C12orf42: variants seen among roughly 807,000 people sequenced by gnomAD.
The protein encoded by C12orf42 is chromosome 12 open reading frame 42, also known as uncharacterized protein C12orf42.
A neutral mutation model predicts 21.6 loss-of-function variants in C12orf42; 25 were observed. That is an observed-to-expected ratio of 1.16 (90% CI 0.84 to 1.62). C12orf42 has a LOEUF of 1.62. Among genes scored for constraint, C12orf42 ranks in the 40% most tolerant of loss-of-function variants. The pLI is 0.00. For missense variants in C12orf42, 483 were observed against 459.3 expected, an observed-to-expected ratio of 1.05 and a Z score of -0.47; for synonymous variants, 174 against 175.0, an observed-to-expected ratio of 0.99 and a Z score of 0.05.
At chr12:103,119,595 C>T in the C12orf42 span, among the ~76,000 whole-genome samples, 2,971 of 152,190 alleles carry the variant, frequency 0.02, 92 homozygotes, top group African/African-American at 0.067. Context: ...CATTGTGCCG[C>T]GTCTGTCTTC....
At chr12:103,529,079 G>C in the C12orf42 span, among the ~76,000 whole-genome samples, 2 of 151,996 alleles carry the variant, frequency 1.3e-5, no homozygotes, top group Admixed American at 6.6e-5. Flanking sequence ...GAAAAAAAAC[G>C]CCATTGCAAA....
intron 1 of C12orf42, among the ~76,000 whole-genome samples, chr12:103,483,896 G>C (rs1954643719): frequency 6.6e-6 from 1 of 152,150 alleles, no homozygotes; most frequent in Non-Finnish European, 1.5e-5. Context: ...CCACCTATGA[G>C]TGAGAATATG....
chr12:103,452,114 C>A (rs1951983606), intron 2 of C12orf42, among the ~76,000 whole-genome samples: 1 of 151,872 alleles, frequency 6.6e-6, no homozygotes, highest in African/African-American at 2.4e-5. Context: ...ACAGATAAAT[C>A]AGCTGAGGAC....
intron 3 of C12orf42, among the ~76,000 whole-genome samples, chr12:103,385,830 A>C (rs1399872795): frequency 6.6e-6 from 1 of 152,198 alleles, no homozygotes; most frequent in African/African-American, 2.4e-5. Context: ...CTACCCTCAC[A>C]CTTTGCTTAA....
chr12:103,319,808 CG>C (rs749025184), intron 4 of C12orf42, among the ~76,000 whole-genome samples: 6 of 152,192 alleles, frequency 3.9e-5, no homozygotes, highest in Non-Finnish European at 5.9e-5. Context: ...TTTTCTCCTT[CG>C]CACAGCAGTG....
At chr12:103,402,690 G>C (rs921202615) in intron 2 of C12orf42, among the ~76,000 whole-genome samples, 1 of 152,194 alleles carries the variant, frequency 6.6e-6, no homozygotes, top group Non-Finnish European at 1.5e-5. Context: ...ACAGACATAG[G>C]TGGAGTCAAG....
chr12:103,374,438 C>A (rs1234009141), intron 3 of C12orf42, among the ~76,000 whole-genome samples: 1 of 152,122 alleles, frequency 6.6e-6, no homozygotes, highest in Non-Finnish European at 1.5e-5. Context: ...AGCTATTTCA[C>A]CAGCATGAGG....
chr12:103,075,623 T>A, the C12orf42 span, among the ~76,000 whole-genome samples: 1 of 152,222 alleles, frequency 6.6e-6, no homozygotes, highest in Non-Finnish European at 1.5e-5. Flanking sequence ...ATGAGTCCCC[T>A]ACTATTCCAT....
At chr12:103,168,468 T>C in the C12orf42 span, among the ~76,000 whole-genome samples, 2 of 152,178 alleles carry the variant, frequency 1.3e-5, no homozygotes, top group African/African-American at 4.8e-5. Flanking sequence ...CCTAAATACA[T>C]TATTCTCACT....
At chr12:103,421,578 TATAA>T (rs58157140) in intron 2 of C12orf42, among the ~76,000 whole-genome samples, 6,926 of 147,214 alleles carry the variant, frequency 0.047, 440 homozygotes, top group African/African-American at 0.14. Context: ...TGTCAATAAA[TATAA>T]ATAAATAAAT....
chr12:103,253,062 A>T (rs1329140265), intron 10 of C12orf42, among the ~76,000 whole-genome samples: 1 of 152,082 alleles, frequency 6.6e-6, no homozygotes, highest in Admixed American at 6.6e-5. Flanking sequence ...TTAAATAGGG[A>T]ATGCTTTCTC....
the C12orf42 span, among the ~76,000 whole-genome samples, chr12:103,052,873 T>C: frequency 6.6e-6 from 1 of 152,056 alleles, no homozygotes; most frequent in Admixed American, 6.6e-5. Context: ...ATATGGATAA[T>C]CAGTTGAAAC....
intron 4 of C12orf42, among the ~76,000 whole-genome samples, chr12:103,341,577 A>G (rs1172305490): frequency 1.3e-5 from 2 of 152,192 alleles, no homozygotes; most frequent in African/African-American, 2.4e-5. Flanking sequence ...AGACAAAAGA[A>G]CAGAGAACAA....
At chr12:103,156,579 A>G in the C12orf42 span, among the ~76,000 whole-genome samples, 1 of 152,190 alleles carries the variant, frequency 6.6e-6, no homozygotes, top group Non-Finnish European at 1.5e-5. Flanking sequence ...AATGTGTGCC[A>G]TGGTGGTTTG....
intron 4 of C12orf42, among the ~76,000 whole-genome samples, chr12:103,336,586 G>A (rs1386951022): frequency 2.0e-5 from 3 of 152,164 alleles, no homozygotes; most frequent in African/African-American, 7.2e-5. Flanking sequence ...GGCTATTTTT[G>A]AGTGTCAATA....
chr12:103,348,301 CT>C, intron 4 of C12orf42, among the ~76,000 whole-genome samples: 1 of 152,238 alleles, frequency 6.6e-6, no homozygotes, highest in South Asian at 2.1e-4. Flanking sequence ...TGTAAACTTT[CT>C]TATAATTCGT....
intron 2 of C12orf42, chr12:103,478,124 T>C (rs1954195189): frequency 2.3e-6 from 1 of 428,056 alleles, no homozygotes; most frequent in Admixed American, 4.7e-5. Context: ...TTTCCTAGCA[T>C]AAATGTAATG....
chr12:103,351,931 C>T (rs1196559241), intron 4 of C12orf42, among the ~76,000 whole-genome samples: 1 of 151,924 alleles, frequency 6.6e-6, no homozygotes, highest in African/African-American at 2.4e-5. Context: ...CTCTATCCCC[C>T]TTCCCCTCCA....
At chr12:103,322,108 TGCGTGCGCGC>T (rs1456355087) in intron 4 of C12orf42, among the ~76,000 whole-genome samples, 3 of 122,188 alleles carry the variant, frequency 2.5e-5, no homozygotes, top group African/African-American at 9.5e-5. Flanking sequence ...TGCACGCGCG[TGCGTGCGCGC>T]GCGCGCGCAC....
Sources: allele counts gnomAD v4.1 joint callset (sites outside exome capture counted in the v4.1 genomes callset), GRCh38; gene constraint gnomAD v4.1.1; transcripts MANE v1.5; gene names NCBI Gene and HGNC (gene_info 2026-07-23, HGNC 2026-07-21).